Variants in HPSE2 observed in about 807,000 individuals in gnomAD.
HPSE2 encodes heparanase 2 (inactive), also known as inactive heparanase-2.
Under a neutral mutation model 60.5 loss-of-function variants are expected in HPSE2, and 38 were observed. The ratio of observed to expected loss-of-function variants is 0.63; its 90% CI spans 0.48 to 0.82. The LOEUF (loss-of-function observed/expected upper bound fraction) is 0.82, where lower values mean the gene tolerates loss of function less well. Among genes scored for constraint, HPSE2 ranks in the 40% least tolerant of loss-of-function variants. HPSE2 has a pLI of 0.00. For missense variants in HPSE2, 713 were observed against 740.4 expected, an observed-to-expected ratio of 0.96 and a Z score of 0.43; for synonymous variants, 295 against 293.2, an observed-to-expected ratio of 1.01 and a Z score of -0.06.
rs144810165 is a variant in HPSE2, at chr10:98,796,342, C to G, written c.611-52286G>C. Among the ~76,000 whole-genome samples the G allele has an allele frequency of 5.3e-5, 8 of 151,998 alleles. No homozygotes were observed. In the Middle Eastern group the frequency reaches 0.01, roughly 195 times the overall value. The stretch of plus-strand genomic sequence containing the variant: ...CCTGGCAGCATTCACCACAAGCAAA[C>G]AAAGAGCCCTTGGGCTTTAAGTGAA... On this transcript the variant is annotated intron_variant, in intron 3 of 11. Transcript: ENST00000370552.
intron 9 of HPSE2, among the ~76,000 whole-genome samples, chr10:98,593,928 T>TG (rs1165142210): frequency 3.9e-5 from 6 of 152,198 alleles, no homozygotes; most frequent in Admixed American, 3.9e-4. Flanking sequence ...TCAATACCCA[T>TG]GCTTTTCAGG....
chr10:99,013,034 C>T (rs10466169), intron 3 of HPSE2: 48,790 of 445,314 alleles, frequency 0.11, 3,105 homozygotes, highest in South Asian at 0.19. Context: ...TCTTTAATTG[C>T]TGCAGCTTTC....
intron 6 of HPSE2, among the ~76,000 whole-genome samples, chr10:98,687,708 C>A (rs1589639578): frequency 6.6e-6 from 1 of 152,112 alleles, no homozygotes; most frequent in Non-Finnish European, 1.5e-5. Context: ...GAATAATCTC[C>A]TTTTCTCTGG....
intron 3 of HPSE2, among the ~76,000 whole-genome samples, chr10:98,832,419 A>G (rs837727): frequency 0.11 from 16,402 of 152,226 alleles, 2,195 homozygotes; most frequent in African/African-American, 0.31. Flanking sequence ...ATCGTCAAAT[A>G]GTAAAGAGTT....
Position 99,232,469 on chromosome 10 carries a change from C to A in HPSE2, c.327G>T (p.Ser109=). The change falls in exon 2 of 12, where the codon TCG becomes TCT. Residue 109 remains serine, a synonymous_variant. Transcript: ENST00000370552. ...KRLVTLARGL[S]PAFLRFGGKR... ...TGCCCCCGAAGCGCAGAAAGGCGGGCGAAAGTCCCCGGGCCAGGGTCACCA... is the reference window on the plus strand; with the variant it reads ...TGCCCCCGAAGCGCAGAAAGGCGGGAGAAAGTCCCCGGGCCAGGGTCACCA... 2 of 1,556,782 alleles carry A rather than the reference C, an allele frequency of 1.3e-6. No homozygotes were observed. The highest frequency in any genetic ancestry group is 1.7e-6 in the Non-Finnish European group (2 of 1,150,322).
intron 9 of HPSE2, among the ~76,000 whole-genome samples, chr10:98,560,525 C>A (rs1394222538): frequency 6.6e-6 from 1 of 152,240 alleles, no homozygotes; most frequent in African/African-American, 2.4e-5. Context: ...CCAGTCCTGG[C>A]CCCATGTAGG....
intron 3 of HPSE2, among the ~76,000 whole-genome samples, chr10:99,122,005 G>T (rs899981005): frequency 6.6e-6 from 1 of 152,034 alleles, no homozygotes; most frequent in Non-Finnish European, 1.5e-5. Context: ...AAAATTTTAA[G>T]GTGGTAACAA....
chr10:99,250,455 C>T, the HPSE2 span, among the ~76,000 whole-genome samples: 3 of 152,142 alleles, frequency 2.0e-5, no homozygotes, highest in African/African-American at 7.2e-5. Flanking sequence ...CATTGAGGCA[C>T]AAATATAACA....
the HPSE2 span, among the ~76,000 whole-genome samples, chr10:99,315,558 A>C: frequency 6.6e-6 from 1 of 152,208 alleles, no homozygotes; most frequent in African/African-American, 2.4e-5. Flanking sequence ...GACAGGTAGA[A>C]GGAATGGAAT....
At chr10:99,117,742 A>G (rs1844768431) in intron 3 of HPSE2, among the ~76,000 whole-genome samples, 1 of 152,114 alleles carries the variant, frequency 6.6e-6, no homozygotes, top group Non-Finnish European at 1.5e-5. Context: ...ACACCCCAAA[A>G]AAGCCCAGGA....
At chr10:98,871,668 G>A (rs1326233078) in intron 3 of HPSE2, among the ~76,000 whole-genome samples, 2 of 151,934 alleles carry the variant, frequency 1.3e-5, no homozygotes, top group Non-Finnish European at 2.9e-5. Context: ...GAGCACAGAA[G>A]GAAGGATTTG....
chr10:99,062,159 G>A (rs1288002257), intron 3 of HPSE2, among the ~76,000 whole-genome samples: 1 of 152,178 alleles, frequency 6.6e-6, no homozygotes, highest in East Asian at 1.9e-4. Context: ...ATTTTACAAC[G>A]AGATTAAACT....
chr10:98,846,959 G>A (rs1245339025), intron 3 of HPSE2, among the ~76,000 whole-genome samples: 2 of 152,156 alleles, frequency 1.3e-5, no homozygotes, highest in African/African-American at 2.4e-5. Context: ...CAGAGGGTGT[G>A]TATATGCAGA....
chr10:98,674,899 G>C (rs185493314), intron 6 of HPSE2, among the ~76,000 whole-genome samples: 1 of 152,212 alleles, frequency 6.6e-6, no homozygotes, highest in East Asian at 1.9e-4. Context: ...TCCACCCTGG[G>C]CGACAGAGAA....
At chr10:99,240,774 T>G (rs1049672827), upstream of HPSE2, among the ~76,000 whole-genome samples, 1 of 152,196 alleles carries the variant, frequency 6.6e-6, no homozygotes, top group Non-Finnish European at 1.5e-5. Context: ...CACAAACTCA[T>G]TAATTCTATA....
chr10:99,313,876 G>T, the HPSE2 span, among the ~76,000 whole-genome samples: 1,025 of 151,986 alleles, frequency 6.7e-3, 8 homozygotes, highest in South Asian at 0.029. Flanking sequence ...CTGGATTACA[G>T]GCATGAGTCA....
intron 2 of HPSE2, among the ~76,000 whole-genome samples, chr10:99,190,340 C>T (rs1055679368): frequency 2.0e-5 from 3 of 152,008 alleles, no homozygotes; most frequent in African/African-American, 4.8e-5. Flanking sequence ...CCTTAGTTTC[C>T]GTATCTATCT....
chr10:98,662,321 C>G (rs1947246632), intron 6 of HPSE2, among the ~76,000 whole-genome samples: 1 of 152,132 alleles, frequency 6.6e-6, no homozygotes, highest in South Asian at 2.1e-4. Context: ...CCACAGTGAA[C>G]ATACATGAAT....
chr10:98,625,544 G>A (rs1315849307), intron 7 of HPSE2, among the ~76,000 whole-genome samples: 3 of 152,170 alleles, frequency 2.0e-5, no homozygotes, highest in Non-Finnish European at 4.4e-5. Flanking sequence ...AAACAATCAT[G>A]TATTTCCACA....
Sources: allele counts gnomAD v4.1 joint callset (sites outside exome capture counted in the v4.1 genomes callset), GRCh38; gene constraint gnomAD v4.1.1; transcripts MANE v1.5; gene names NCBI Gene and HGNC (gene_info 2026-07-23, HGNC 2026-07-21).